CTNNA3: variants seen among roughly 807,000 people sequenced by gnomAD.
CTNNA3 encodes catenin alpha-3.
In CTNNA3, 76 loss-of-function variants were observed where a neutral mutation model predicts 95.7. The ratio of observed to expected loss-of-function variants is 0.79; its 90% confidence interval spans 0.66 to 0.96. CTNNA3 has a LOEUF of 0.96. CTNNA3 is among the 40% of genes least tolerant of loss of function. The pLI is 0.00. For missense variants in CTNNA3, 1,191 were observed against 1,089.8 expected, an observed-to-expected ratio of 1.09 and a Z score of -1.31; for synonymous variants, 431 against 374.4, an observed-to-expected ratio of 1.15 and a Z score of -1.74.
intron 10 of CTNNA3, among the ~76,000 whole-genome samples, chr10:66,621,436 C>T (rs1157103465): frequency 6.6e-6 from 1 of 151,646 alleles, no homozygotes; most frequent in Non-Finnish European, 1.5e-5. Flanking sequence ...CCAGCCTGGC[C>T]AACATGGTGA....
intron 5 of CTNNA3, among the ~76,000 whole-genome samples, chr10:67,425,468 A>G (rs1286198804): frequency 6.6e-6 from 1 of 152,058 alleles, no homozygotes; most frequent in African/African-American, 2.4e-5. Context: ...TACAAAGAAT[A>G]TAGTACATTC....
At chr10:67,513,304 G>A (rs1161769917) in intron 5 of CTNNA3, among the ~76,000 whole-genome samples, 1 of 152,204 alleles carries the variant, frequency 6.6e-6, no homozygotes, top group African/African-American at 2.4e-5. Flanking sequence ...TGGAGGACAA[G>A]CATAATCAGA....
intron 13 of CTNNA3, among the ~76,000 whole-genome samples, chr10:66,214,982 A>G (rs1027930123): frequency 1.3e-5 from 2 of 152,182 alleles, no homozygotes; most frequent in African/African-American, 2.4e-5. Flanking sequence ...AAGGTTGATG[A>G]CTAGATAGAT....
intron 1 of CTNNA3, among the ~76,000 whole-genome samples, chr10:67,654,687 T>G (rs891672491): frequency 5.3e-5 from 8 of 152,116 alleles, no homozygotes; most frequent in African/African-American, 1.9e-4. Flanking sequence ...TTCTTAAAAT[T>G]TTTAGAATGT....
intron 13 of CTNNA3, among the ~76,000 whole-genome samples, chr10:66,140,242 C>A (rs2083546382): frequency 6.6e-6 from 1 of 152,150 alleles, no homozygotes; most frequent in South Asian, 2.1e-4. Flanking sequence ...AGAGGAAATG[C>A]AATTTAACTT....
intron 13 of CTNNA3, among the ~76,000 whole-genome samples, chr10:66,187,866 C>T (rs888772555): frequency 2.0e-5 from 3 of 151,720 alleles, no homozygotes; most frequent in African/African-American, 7.3e-5. Context: ...ATGAGAAAAA[C>T]AAATAAAGGG....
chr10:67,619,345 C>T (rs575018941), intron 2 of CTNNA3, among the ~76,000 whole-genome samples: 2 of 152,128 alleles, frequency 1.3e-5, no homozygotes, highest in African/African-American at 4.8e-5. Flanking sequence ...TTGACAAAGG[C>T]ACCAAGAACA....
chr10:66,330,802 T>A lies in CTNNA3; in HGVS notation c.1732+48350A>T, dbSNP rs563339413. 1.3e-4 allele frequency among the ~76,000 whole-genome samples: 19 copies of A among 151,982 alleles called. No homozygotes were observed. The East Asian group carries it at 3.7e-3, about 30-fold the overall frequency. On this transcript the variant is annotated intron_variant, in intron 12 of 17. Transcript: ENST00000433211. Reference sequence around the variant, plus strand: ...ATGGTATCTCATTGTGGTTTTCATTTGCATTTCTCTGATGGCCAGTGATGA... The same window carrying A: ...ATGGTATCTCATTGTGGTTTTCATTAGCATTTCTCTGATGGCCAGTGATGA...
intron 7 of CTNNA3, among the ~76,000 whole-genome samples, chr10:66,954,671 A>G (rs1848700253): frequency 6.6e-6 from 1 of 152,206 alleles, no homozygotes; most frequent in Non-Finnish European, 1.5e-5. Context: ...TTTGGATTAA[A>G]ATCCAATGTG....
intron 3 of CTNNA3, among the ~76,000 whole-genome samples, chr10:67,595,092 C>A (rs1316860292): frequency 6.6e-6 from 1 of 152,148 alleles, no homozygotes; most frequent in Admixed American, 6.5e-5. Context: ...AGAATTTTAT[C>A]ATGCATATAC....
At chr10:67,726,323 T>A (rs1206487135) in intron 1 of CTNNA3, among the ~76,000 whole-genome samples, 1 of 71,512 alleles carries the variant, frequency 1.4e-5, no homozygotes, top group African/African-American at 6.1e-5. Flanking sequence ...TTATATATAT[T>A]ATCTTACATA....
chr10:66,798,159 T>A (rs1471001327), intron 7 of CTNNA3, among the ~76,000 whole-genome samples: 1 of 151,828 alleles, frequency 6.6e-6, no homozygotes, highest in East Asian at 1.9e-4. Flanking sequence ...TCAATGAAGA[T>A]CAAAAGCTTA....
rs12218341 is a variant in CTNNA3, at chr10:67,257,047, G to A, written c.580-37177C>T. On this transcript the variant is annotated intron_variant, in intron 5 of 17. Transcript: ENST00000433211. The stretch of plus-strand genomic sequence containing the variant: ...CTTACTCATAATTCAAACATTTCAC[G>A]AGTTTCCAGCTATAAACATGTTTAT... Among the ~76,000 whole-genome samples, 2,393 of 152,202 alleles carry A rather than the reference G, an allele frequency of 0.016. 195 individuals carry two copies. In the East Asian group the frequency reaches 0.26, roughly 16 times the overall value.
At chr10:66,858,344 G>C (rs1464003447) in intron 7 of CTNNA3, among the ~76,000 whole-genome samples, 1 of 151,988 alleles carries the variant, frequency 6.6e-6, no homozygotes, top group Admixed American at 6.6e-5. Context: ...GTTCATCAAG[G>C]ATATTGGCTT....
At chr10:65,984,675 T>C (rs994211921) in intron 16 of CTNNA3, among the ~76,000 whole-genome samples, 3 of 151,304 alleles carry the variant, frequency 2.0e-5, no homozygotes, top group Admixed American at 1.3e-4. Context: ...TTAAAGAAGA[T>C]TATCAATATA....
chr10:66,172,697 C>T (rs950603773), intron 13 of CTNNA3, among the ~76,000 whole-genome samples: 1 of 152,004 alleles, frequency 6.6e-6, no homozygotes, highest in African/African-American at 2.4e-5. Context: ...AATTCATATA[C>T]AGTGAAGAAG....
At chr10:66,318,274 ATATGTG>A (rs1381378532) in intron 12 of CTNNA3, among the ~76,000 whole-genome samples, 2 of 83,726 alleles carry the variant, frequency 2.4e-5, no homozygotes, top group African/African-American at 7.5e-5. Flanking sequence ...ATATATATAT[ATATGTG>A]TGTGTGTGTG....
chr10:67,288,629 T>C (rs989580524), intron 5 of CTNNA3, among the ~76,000 whole-genome samples: 22 of 152,138 alleles, frequency 1.4e-4, no homozygotes, highest in Admixed American at 1.4e-3. Flanking sequence ...AAAACTACAC[T>C]GAAGCTACAC....
chr10:65,997,330 A>C (rs2078683830), intron 15 of CTNNA3, among the ~76,000 whole-genome samples: 1 of 152,230 alleles, frequency 6.6e-6, no homozygotes, highest in South Asian at 2.1e-4. Context: ...AAATGACGTG[A>C]TATCTGTTGA....
Sources: gnomAD v4.1 joint callset for allele counts (sites outside exome capture counted in the v4.1 genomes callset) on GRCh38, gnomAD v4.1.1 for gene constraint, MANE v1.5 for transcripts, NCBI Gene and HGNC (gene_info 2026-07-23, HGNC 2026-07-21) for gene names.